PFN2: variants seen among roughly 807,000 people sequenced by gnomAD.
The protein encoded by PFN2 is profilin 2, also known as profilin-2.
A neutral mutation model predicts 15.3 loss-of-function variants in PFN2; 8 were observed. That is an observed-to-expected ratio of 0.52 (90% CI 0.31 to 0.95). The LOEUF is 0.95. Among genes scored for constraint, PFN2 ranks in the 40% least tolerant of loss-of-function variants. PFN2 has a pLI of 0.05. For synonymous variants in PFN2, 79 were observed against 67.9 expected, an observed-to-expected ratio of 1.16 and a Z score of -0.81; for missense variants, 111 against 182.3, an observed-to-expected ratio of 0.61 and a Z score of 2.25.
rs186042043 is a variant in PFN2 at position 149,966,224 on chromosome 3, G to A, written c.*265C>T. ...GTTCATATGCTTTCTTGTTAAGTGT[G>A]CCTCCGTGGACACCTTCCTTTCCCA... is the stretch of plus-strand genomic sequence containing the variant. On this transcript the variant is annotated 3_prime_UTR_variant, in exon 3 of 3. Coordinates refer to ENST00000239940, the MANE Select transcript of PFN2 (RefSeq NM_053024.4). 13 of 1,613,546 alleles carry A rather than the reference G, an allele frequency of 8.1e-6. No individual in the cohort carries two copies. The East Asian group carries it at 8.9e-5, about 11-fold the overall frequency.
Position 149,965,139 on chromosome 3 carries a change from G to T in PFN2, c.*1350C>A. 4.4e-6 allele frequency: 5 copies of T among 1,126,158 alleles called. No homozygotes were observed. Among genetic ancestry groups the T allele is most frequent in the Non-Finnish European group, 6.1e-6 (5 of 814,874 alleles). The allele number at this position is 1,126,158 out of a possible 1,614,324, so 69.8% of individuals were successfully genotyped here. On this transcript the variant is annotated 3_prime_UTR_variant, in exon 3 of 3. Transcript: ENST00000239940. Reference sequence around the variant, plus strand: ...GTCCCTAAAGTAGTGCCATTCGAAAGAAACCCTTAATAGGTCAGTTAAAAT... The same window carrying T: ...GTCCCTAAAGTAGTGCCATTCGAAATAAACCCTTAATAGGTCAGTTAAAAT...
At chr3:149,968,919 T>G (rs187189797) in intron 1 of PFN2, 60 of 195,224 alleles carry the variant, frequency 3.1e-4, no homozygotes, top group African/African-American at 1.3e-3. Context: ...ATGGTAAAAA[T>G]TCAGCTATCA....
At position 149,965,406 on chromosome 3, in the gene PFN2, A is replaced by G; in HGVS notation, c.*1083T>C. 4 of 1,448,928 alleles carry G rather than the reference A, an allele frequency of 2.8e-6. No homozygotes were observed. Among genetic ancestry groups the G allele is most frequent in the Non-Finnish European group, 3.6e-6 (4 of 1,109,536 alleles). 89.8% of individuals were successfully genotyped at this position (1,448,928 alleles called of 1,614,324 possible). A position where few individuals can be genotyped will look rare whatever the true frequency, so the allele number is the denominator to read the frequency against. Reference sequence around the variant, plus strand: ...ACTAAAGAGTAGAGCTGGTGTGCAAAGAAAAAGGAAGAAAAATCTGAGCTA... The same window carrying G: ...ACTAAAGAGTAGAGCTGGTGTGCAAGGAAAAAGGAAGAAAAATCTGAGCTA... On this transcript the variant is annotated 3_prime_UTR_variant, in exon 3 of 3. Transcript: ENST00000239940.
Position 149,965,720 on chromosome 3 carries a change from GAA to G in PFN2, c.*767_*768del. ...CTATGTGCGAAGGGAGGGGGGGCGG[GAA>G]AAAGAGAAGAGTGAAGGAATGATGC... On this transcript the variant is annotated 3_prime_UTR_variant, in exon 3 of 3. Transcript: ENST00000239940. 4 of 632,156 alleles carry G rather than the reference GAA, an allele frequency of 6.3e-6. No individual in the cohort carries two copies. The highest frequency in any genetic ancestry group is 5.9e-6 in the Non-Finnish European group (3 of 510,728). The allele number at this position is 632,156 out of a possible 1,614,324, so 39.2% of individuals were successfully genotyped here.
At position 149,965,193 on chromosome 3, in the gene PFN2, A is replaced by C. The variant is rs1237236046; in HGVS notation, c.*1296T>G. The C allele has an allele frequency of 6.6e-7, 1 of 1,506,994 alleles. No individual in the cohort carries two copies. The highest frequency in any genetic ancestry group is 1.4e-5 in the African/African-American group (1 of 71,570). The allele number at this position is 1,506,994 out of a possible 1,614,324, so 93.4% of individuals were successfully genotyped here. ...TCTCACAATAGCAACAGTTCATTTT[A>C]ACAATAGTATGGCACAGAATACATA... On this transcript the variant is annotated 3_prime_UTR_variant, in exon 3 of 3. Transcript: ENST00000239940.
chr3:149,970,531 G>A, intron 1 of PFN2, 194 bp downstream of exon 1: 1 of 424,040 alleles, frequency 2.4e-6, no homozygotes, highest in Non-Finnish European at 3.8e-6. Context: ...CAGCCTGTCA[G>A]CGCAGCCCCG....
chr3:149,968,759 T>G (rs867197850), intron 1 of PFN2: 1 of 528,316 alleles, frequency 1.9e-6, no homozygotes, highest in South Asian at 2.8e-5. Flanking sequence ...TGAGTTGATT[T>G]GACTTCAGTT....
intron 2 of PFN2, among the ~76,000 whole-genome samples, chr3:149,967,940 G>C (rs1441558608): frequency 6.6e-6 from 1 of 151,964 alleles, no homozygotes; most frequent in Admixed American, 6.6e-5. Context: ...CCTTCTTTAT[G>C]CTGAGTAGTG....
intron 1 of PFN2, chr3:149,968,854 A>G (rs1471234449): frequency 3.3e-6 from 1 of 301,296 alleles, no homozygotes; most frequent in Non-Finnish European, 6.2e-6. Flanking sequence ...GTGCAAACTT[A>G]AAGAGTTATT....
intron 1 of PFN2, among the ~76,000 whole-genome samples, chr3:149,969,128 C>T (rs1379740972): frequency 6.6e-6 from 1 of 152,158 alleles, no homozygotes; most frequent in African/African-American, 2.4e-5. Flanking sequence ...ATTCATATTT[C>T]CCTCCTATTT....
rs1722652395 is a variant in PFN2 at position 149,965,260 on chromosome 3, C to T, written c.*1229G>A. 1 of 1,535,216 alleles carries T rather than the reference C, an allele frequency of 6.5e-7. No homozygotes were observed. Among genetic ancestry groups the T allele is most frequent in the Non-Finnish European group, 8.7e-7 (1 of 1,146,432 alleles). On this transcript the variant is annotated 3_prime_UTR_variant, in exon 3 of 3. Coordinates refer to ENST00000239940, the MANE Select transcript of PFN2 (RefSeq NM_053024.4). ...CAAGACAGCCAAGTCCACAATAATG[C>T]AACTTCATATAAAAACTCAAGCTGC... is the stretch of plus-strand genomic sequence containing the variant.
Position 149,965,456 on chromosome 3 carries a change from G to T in PFN2, c.*1033C>A. The T allele has an allele frequency of 7.0e-7, 1 of 1,437,824 alleles. No individual in the cohort carries two copies. The highest frequency in any genetic ancestry group is 9.1e-7 in the Non-Finnish European group (1 of 1,103,852). 89.1% of individuals were successfully genotyped at this position (1,437,824 alleles called of 1,614,324 possible). ...ATTGCAATGATGGAATGTCCCTGGG[G>T]ATTCAATCAGTATGGTTACTGTAAG... On this transcript the variant is annotated 3_prime_UTR_variant, in exon 3 of 3. Coordinates refer to ENST00000239940, the MANE Select transcript of PFN2 (RefSeq NM_053024.4).
At chr3:149,969,420 C>CGCA (rs1198445173) in intron 1 of PFN2, among the ~76,000 whole-genome samples, 1 of 152,140 alleles carries the variant, frequency 6.6e-6, no homozygotes, top group Non-Finnish European at 1.5e-5. Context: ...AGCACACTCC[C>CGCA]GCAATCTTCC....
In PFN2 at chr3:149,968,506, G is replaced by T. The variant is rs1722752895; in HGVS notation, c.177C>A (p.Phe59Leu). The T allele has an allele frequency of 6.2e-7, 1 of 1,612,528 alleles. No homozygotes were observed. Among genetic ancestry groups the T allele is most frequent in the Admixed American group, 1.7e-5 (1 of 59,844 alleles). ...DMIVGKDREG[F>L]FTNGLTLGAK... is the part of the protein sequence containing the mutation. ...CGCCAAGAGTCAAACCGTTGGTAAAGAAACCTTCCCGGTCTTTTCCTACAA... is the reference window on the plus strand; with the variant it reads ...CGCCAAGAGTCAAACCGTTGGTAAATAAACCTTCCCGGTCTTTTCCTACAA... The change falls in exon 2 of 3, where the codon TTC becomes TTA. Residue 59 changes from phenylalanine (F) to leucine (L), a missense_variant. This residue lies in a region of PFN2 where 47 missense variants were observed against 112.7 expected (regional missense o/e 0.42). Transcript: ENST00000239940.
chr3:149,966,638 C>T, intron 2 of PFN2, 52 bp from the exon 3 acceptor site: 1 of 1,376,194 alleles, frequency 7.3e-7, no homozygotes, highest in Admixed American at 1.7e-5. Context: ...TCAAGAAAGT[C>T]ACATAAGTTT....
rs778631060 is a variant in PFN2, at chr3:149,966,447, T to G, written c.*42A>C. 6.2e-7 allele frequency: 1 copy of G among 1,605,492 alleles called. No homozygotes were observed. The highest frequency in any genetic ancestry group is 8.5e-7 in the Non-Finnish European group (1 of 1,177,624). Reference sequence around the variant, plus strand: ...ACTTAAGCTTATAGCTAGGAAAGTTTAAGAGCAATTTTCCCCTAATACTTA... The same window carrying G: ...ACTTAAGCTTATAGCTAGGAAAGTTGAAGAGCAATTTTCCCCTAATACTTA... On this transcript the variant is annotated 3_prime_UTR_variant, in exon 3 of 3. Coordinates refer to ENST00000239940, the MANE Select transcript of PFN2 (RefSeq NM_053024.4).
rs1471931156 is a variant in PFN2 at position 149,965,088 on chromosome 3, C to G, written c.*1401G>C. On this transcript the variant is annotated 3_prime_UTR_variant, in exon 3 of 3. Transcript: ENST00000239940. ...AAATCTGTACATTATCCACAAGGCCCAAACAATAGAAGCAAATACTAGAAT... is the reference window on the plus strand; with the variant it reads ...AAATCTGTACATTATCCACAAGGCCGAAACAATAGAAGCAAATACTAGAAT... 3.0e-6 allele frequency: 2 copies of G among 673,114 alleles called. No homozygotes were observed. The highest frequency in any genetic ancestry group is 4.8e-6 in the Non-Finnish European group (2 of 420,506). The allele number at this position is 673,114 out of a possible 1,614,324, so 41.7% of individuals were successfully genotyped here.
Position 149,966,595 on chromosome 3 carries a change from G to T in PFN2, c.326-9C>A. 1 of 1,597,058 alleles carries T rather than the reference G, an allele frequency of 6.3e-7. No individual in the cohort carries two copies. Among genetic ancestry groups the T allele is most frequent in the Admixed American group, 1.7e-5 (1 of 59,178 alleles). On this transcript the variant is annotated splice_polypyrimidine_tract_variant and intron_variant, in intron 2 of 2. Coordinates refer to ENST00000239940, the MANE Select transcript of PFN2 (RefSeq NM_053024.4). ...CATTACAAAGACCAAGACTGAAAGA[G>T]AAAGAAGAAAAGTGTTTCAAAAGAA...
intron 1 of PFN2, chr3:149,970,470 G>C (rs1020065097): frequency 1.0e-5 from 3 of 293,290 alleles, no homozygotes; most frequent in African/African-American, 4.4e-5. Flanking sequence ...CCGACGCTGG[G>C]AACGCCGGGG....
Sources: allele counts gnomAD v4.1 joint callset (sites outside exome capture counted in the v4.1 genomes callset), GRCh38; gene constraint gnomAD v4.1.1; regional missense constraint gnomAD v4.1.1; transcripts MANE v1.5; gene names NCBI Gene and HGNC (gene_info 2026-07-23, HGNC 2026-07-21).